The following MYO1E variants were observed in gnomAD, a reference collection of about 807,000 sequenced individuals.
The protein encoded by MYO1E is myosin IE, also known as unconventional myosin-Ie.
In MYO1E, 68 loss-of-function variants were observed where a neutral mutation model predicts 151.1. The observed-to-expected ratio is 0.45, with a 90% CI of 0.37 to 0.55. The LOEUF (loss-of-function observed/expected upper bound fraction) is 0.55. Among genes scored for constraint, MYO1E ranks in the 20% least tolerant of loss-of-function variants. The pLI is 0.00. For missense variants in MYO1E, 1,363 were observed against 1,389.3 expected (o/e 0.98, Z 0.30); for synonymous variants, 601 against 501.7 (o/e 1.20, Z -2.64).
At chr15:59,220,786 G>A (rs550056485) in intron 9 of MYO1E, among the ~76,000 whole-genome samples, 22 of 151,800 alleles carry the variant, frequency 1.4e-4, no homozygotes, top group African/African-American at 5.3e-4. Context: ...TGAATGGAAT[G>A]CTATGCAGCT....
intron 25 of MYO1E, among the ~76,000 whole-genome samples, chr15:59,157,581 T>C (rs2079515926): frequency 6.6e-6 from 1 of 151,978 alleles, no homozygotes; most frequent in Admixed American, 6.5e-5. Flanking sequence ...CCATGCTGTG[T>C]GTGCTACCCC....
At chr15:59,207,480 C>T in intron 14 of MYO1E, 3 of 1,614,022 alleles carry the variant, frequency 1.9e-6, no homozygotes, top group Non-Finnish European at 2.5e-6. Flanking sequence ...GCCCCCACTG[C>T]AAACTGATTA....
At position 59,238,911 on chromosome 15, in the gene MYO1E, T is replaced by G. The variant is rs1357141959; in HGVS notation, c.333-2239A>C. Among the ~76,000 whole-genome samples the G allele has an allele frequency of 2.0e-5, 3 of 152,110 alleles. No homozygotes were observed. In the East Asian group the frequency reaches 5.8e-4, roughly 30 times the overall value. On this transcript the variant is annotated intron_variant, in intron 4 of 27. Coordinates refer to ENST00000288235, the MANE Select transcript of MYO1E (RefSeq NM_004998.4). ...GTGCTTTCTCATAATTTTCTATTTT[T>G]TTTAGATTTTTATGCCGGGTACAAT...
chr15:59,157,618 G>A (rs1351914532), intron 25 of MYO1E, among the ~76,000 whole-genome samples: 1 of 152,158 alleles, frequency 6.6e-6, no homozygotes, highest in East Asian at 1.9e-4. Flanking sequence ...CAGCCATCTT[G>A]TTATTCATAA....
intron 1 of MYO1E, among the ~76,000 whole-genome samples, chr15:59,369,232 T>C (rs574745727): frequency 3.5e-4 from 53 of 152,372 alleles, no homozygotes; most frequent in African/African-American, 1.2e-3. Context: ...TGTAAATCTA[T>C]TCCTGGGTAT....
chr15:59,235,449 G>C lies in MYO1E; in HGVS notation c.420+1136C>G, dbSNP rs149750122. ...TATTACAAACAATGTTCTGAACCTT[G>C]TCTTTTGTAATTAATGATACATCTT... On this transcript the variant is annotated intron_variant, in intron 5 of 27. Coordinates refer to ENST00000288235, the MANE Select transcript of MYO1E (RefSeq NM_004998.4). Among the ~76,000 whole-genome samples the C allele has an allele frequency of 9.9e-5, 15 of 152,254 alleles. No homozygotes were observed. In the East Asian group the frequency reaches 2.7e-3, roughly 27 times the overall value.
chr15:59,372,382 G>A lies in MYO1E; in HGVS notation c.3+116C>T, dbSNP rs1202869836. On this transcript the variant is annotated intron_variant, in intron 1 of 27. Coordinates refer to ENST00000288235, the MANE Select transcript of MYO1E (RefSeq NM_004998.4). ...CAGAGCTCGCGACGTGCCGGCTCCC[G>A]CGTCCACCTTCTCCACCCCTGGCCC... is the stretch of plus-strand genomic sequence containing the variant. 1.0e-5 allele frequency: 13 copies of A among 1,290,956 alleles called. No homozygotes were observed. In the African/African-American group the frequency reaches 1.6e-4, roughly 16 times the overall value. The allele number at this position is 1,290,956 out of a possible 1,614,324, so 80.0% of individuals were successfully genotyped here.
Position 59,153,762 on chromosome 15 carries a change from G to T in MYO1E, c.2908C>A (p.Gln970Lys). The T allele has an allele frequency of 6.2e-7, 1 of 1,613,942 alleles. No individual in the cohort carries two copies. Among genetic ancestry groups the T allele is most frequent in the Non-Finnish European group, 8.5e-7 (1 of 1,179,858 alleles). Residue 970 changes from glutamine (Q) to lysine (K), a missense_variant, in exon 26 of 28, where the codon CAG becomes AAG. Transcript: ENST00000288235. Reference protein sequence around the residue: ...GYHQNGVIRNQYVPYPHAPGS... With the variant: ...GYHQNGVIRNKYVPYPHAPGS... The stretch of plus-strand genomic sequence containing the variant: ...GGAGCATGGGGATATGGCACATACT[G>T]GTTTCTGATGACTCCGTTCTGATGG...
chr15:59,297,133 C>G (rs559028135), intron 1 of MYO1E, among the ~76,000 whole-genome samples: 3 of 150,966 alleles, frequency 2.0e-5, no homozygotes, highest in East Asian at 3.9e-4. Context: ...ATTACGGGCG[C>G]GAGCCACCGC....
intron 1 of MYO1E, among the ~76,000 whole-genome samples, chr15:59,368,125 A>C (rs2080924802): frequency 6.6e-6 from 1 of 152,166 alleles, no homozygotes; most frequent in South Asian, 2.1e-4. Context: ...GTCTCAAAAT[A>C]AATAAAAATA....
chr15:59,258,128 C>T (rs1478311022), intron 3 of MYO1E, among the ~76,000 whole-genome samples: 2 of 152,136 alleles, frequency 1.3e-5, no homozygotes, highest in Non-Finnish European at 2.9e-5. Context: ...GGGAGGATCA[C>T]TTGAGGTCAG....
rs114948249 is a variant in MYO1E, at chr15:59,313,994, C to T, written c.4-41545G>A. ...CAGCGTGGCCTCCTGCCAGCTAAAC[C>T]TGCTCTGCAAACACAAGTGACTGCA... On this transcript the variant is annotated intron_variant, in intron 1 of 27. Transcript: ENST00000288235. Among the ~76,000 whole-genome samples, 687 of 152,346 alleles carry T rather than the reference C, an allele frequency of 4.5e-3. 3 individuals are homozygous for T. Among genetic ancestry groups the T allele is most frequent in the African/African-American group, 0.016 (660 of 41,576 alleles).
intron 23 of MYO1E, among the ~76,000 whole-genome samples, chr15:59,161,861 T>C (rs1402681638): frequency 1.3e-5 from 2 of 152,224 alleles, no homozygotes; most frequent in African/African-American, 4.8e-5. Flanking sequence ...ATTCTGTTTT[T>C]AAGTTATATT....
At chr15:59,238,641 G>A (rs181880621) in intron 4 of MYO1E, among the ~76,000 whole-genome samples, 1 of 152,022 alleles carries the variant, frequency 6.6e-6, no homozygotes, top group Non-Finnish European at 1.5e-5. Context: ...GCACAATCTT[G>A]GCTCACTGCA....
At chr15:59,357,730 G>A (rs903915589) in intron 1 of MYO1E, among the ~76,000 whole-genome samples, 2 of 152,118 alleles carry the variant, frequency 1.3e-5, no homozygotes, top group Non-Finnish European at 2.9e-5. Context: ...GATTACAGGC[G>A]TGAGCCACCA....
At chr15:59,144,776 G>A (rs561143598) in intron 26 of MYO1E, among the ~76,000 whole-genome samples, 1 of 152,260 alleles carries the variant, frequency 6.6e-6, no homozygotes, top group East Asian at 1.9e-4. Context: ...CAACAGCCTC[G>A]AAAACCCAGG....
intron 3 of MYO1E, among the ~76,000 whole-genome samples, chr15:59,257,779 C>A (rs2080202218): frequency 2.0e-5 from 3 of 152,142 alleles, no homozygotes; most frequent in South Asian, 4.2e-4. Flanking sequence ...CCTAAAGAAC[C>A]CTATGCAGGA....
chr15:59,253,425 G>C (rs2080176387), intron 4 of MYO1E, among the ~76,000 whole-genome samples: 1 of 151,466 alleles, frequency 6.6e-6, no homozygotes, highest in African/African-American at 2.4e-5. Context: ...GGCATGAAGT[G>C]CACAGCATCA....
chr15:59,147,704 G>T (rs2079450331), intron 26 of MYO1E, among the ~76,000 whole-genome samples: 1 of 151,842 alleles, frequency 6.6e-6, no homozygotes, highest in Admixed American at 6.6e-5. Context: ...GTCCAAATGA[G>T]GCTCTCATGT....
Sources: gnomAD v4.1 joint callset for allele counts (sites outside exome capture counted in the v4.1 genomes callset) on GRCh38, gnomAD v4.1.1 for gene constraint, MANE v1.5 for transcripts, NCBI Gene and HGNC (gene_info 2026-07-23, HGNC 2026-07-21) for gene names.